The following NKAIN3 variants were observed in gnomAD, a reference collection of about 807,000 sequenced individuals.
NKAIN3 encodes the protein sodium/potassium transporting ATPase interacting 3.
In NKAIN3, 25 loss-of-function variants were observed where a neutral mutation model predicts 30.2. That is an observed-to-expected ratio of 0.83 (90% confidence interval 0.60 to 1.16). The LOEUF is 1.16. Among genes scored for constraint, NKAIN3 ranks in the 50% most tolerant of loss-of-function variants. NKAIN3 has a pLI of 0.00. For missense variants in NKAIN3, 225 were observed against 254.1 expected (o/e 0.89, Z 0.78); for synonymous variants, 91 against 89.6 (o/e 1.02, Z -0.09).
chr8:62,399,143 A>C (rs1379715311), intron 1 of NKAIN3, among the ~76,000 whole-genome samples: 1 of 152,136 alleles, frequency 6.6e-6, no homozygotes, highest in Non-Finnish European at 1.5e-5. Context: ...AAACTACTCA[A>C]CTTTTTTTGT....
At position 62,976,915 on chromosome 8, in the gene NKAIN3, A is replaced by G. The variant is rs544191143; in HGVS notation, c.*11508A>G. On this transcript the variant is annotated 3_prime_UTR_variant, in exon 7 of 7. Coordinates refer to ENST00000623646, the MANE Select transcript of NKAIN3 (RefSeq NM_001304533.3). Reference sequence around the variant, plus strand: ...TTCCTCAGCATTTGCTTGTCTGTAAAGGATTTTATTTCTCCTTCACTTGTG... The same window carrying G: ...TTCCTCAGCATTTGCTTGTCTGTAAGGGATTTTATTTCTCCTTCACTTGTG... Among the ~76,000 whole-genome samples, 6 of 152,282 alleles carry G rather than the reference A, an allele frequency of 3.9e-5. No homozygotes were observed. Among genetic ancestry groups the G allele is most frequent in the African/African-American group, 1.4e-4 (6 of 41,548 alleles).
intron 5 of NKAIN3, among the ~76,000 whole-genome samples, chr8:62,942,443 C>G (rs1822994065): frequency 1.3e-5 from 2 of 150,786 alleles, no homozygotes; most frequent in African/African-American, 4.9e-5. Flanking sequence ...GTGAAATGAC[C>G]ATACTTCCAA....
At chr8:62,611,280 C>T (rs1000556912) in intron 3 of NKAIN3, among the ~76,000 whole-genome samples, 2 of 152,046 alleles carry the variant, frequency 1.3e-5, no homozygotes, top group South Asian at 2.1e-4. Context: ...AATGAGGTAT[C>T]TATCTCCTTA....
chr8:62,883,145 T>C (rs555925546), intron 4 of NKAIN3, among the ~76,000 whole-genome samples: 92 of 152,276 alleles, frequency 6.0e-4, no homozygotes, highest in African/African-American at 2.0e-3. Flanking sequence ...ATAGATTAAG[T>C]TGGGAAAGAC....
chr8:62,555,011 TACACACACACACACACACACAC>T (rs59610407), intron 1 of NKAIN3, among the ~76,000 whole-genome samples: 7 of 144,934 alleles, frequency 4.8e-5, no homozygotes, highest in Non-Finnish European at 7.5e-5. Context: ...GCAGAATCTA[TACACACACACACACACACACAC>T]ACACACACAC....
At chr8:62,580,906 T>TTTTTTATA (rs1554550222) in intron 2 of NKAIN3, among the ~76,000 whole-genome samples, 7 of 112,274 alleles carry the variant, frequency 6.2e-5, no homozygotes, top group African/African-American at 2.0e-4. Context: ...GCTAGGGTTT[T>TTTTTTATA]TATATATATA....
At chr8:62,404,436 C>A (rs186745150) in intron 1 of NKAIN3, among the ~76,000 whole-genome samples, 3 of 152,080 alleles carry the variant, frequency 2.0e-5, no homozygotes, top group Admixed American at 6.6e-5. Context: ...TGGATGGAGC[C>A]GGTAGGAGGT....
intron 4 of NKAIN3, among the ~76,000 whole-genome samples, chr8:62,798,832 C>T (rs114882931): frequency 6.6e-6 from 1 of 151,900 alleles, no homozygotes; most frequent in South Asian, 2.1e-4. Flanking sequence ...AGGAAGAGTA[C>T]CAAAAATGTT....
chr8:62,703,138 AT>A (rs2130472860), intron 3 of NKAIN3, among the ~76,000 whole-genome samples: 1 of 152,258 alleles, frequency 6.6e-6, no homozygotes, highest in Non-Finnish European at 1.5e-5. Flanking sequence ...ATCATTACTA[AT>A]AAATTTAATT....
chr8:62,817,000 A>G (rs1563576823), intron 4 of NKAIN3, among the ~76,000 whole-genome samples: 1 of 152,026 alleles, frequency 6.6e-6, no homozygotes, highest in East Asian at 1.9e-4. Context: ...TCTCCTGATT[A>G]CCTTCTCCTC....
At chr8:62,593,545 C>T (rs1810723579) in intron 3 of NKAIN3, among the ~76,000 whole-genome samples, 1 of 150,982 alleles carries the variant, frequency 6.6e-6, no homozygotes, top group Non-Finnish European at 1.5e-5. Flanking sequence ...TAAGGTTGAT[C>T]CAAAAAAAGA....
chr8:62,636,978 A>G (rs746063476), intron 3 of NKAIN3, among the ~76,000 whole-genome samples: 4 of 152,152 alleles, frequency 2.6e-5, no homozygotes, highest in East Asian at 1.9e-4. Context: ...TTCTTATTTT[A>G]CGTGAAAATT....
rs140324404 is a variant in NKAIN3 at position 62,971,528 on chromosome 8, G to A, written c.*6121G>A. Among the ~76,000 whole-genome samples, 117 of 151,688 alleles carry A rather than the reference G, an allele frequency of 7.7e-4. No homozygotes were observed. Among genetic ancestry groups the A allele is most frequent in the African/African-American group, 2.6e-3 (109 of 41,454 alleles). On this transcript the variant is annotated 3_prime_UTR_variant, in exon 7 of 7. Transcript: ENST00000623646. ...TGTGCCTATAGTCCCAGCTACTTGG[G>A]AGGTTGAAGTAGGAGGGTTGTTTGA...
intron 4 of NKAIN3, among the ~76,000 whole-genome samples, chr8:62,904,931 G>A (rs930989888): frequency 2.6e-5 from 4 of 152,104 alleles, no homozygotes; most frequent in Non-Finnish European, 4.4e-5. Flanking sequence ...TTCTCTCCCT[G>A]ATGGAGCTGG....
At chr8:62,949,646 C>T (rs1481613122) in intron 5 of NKAIN3, among the ~76,000 whole-genome samples, 2 of 152,098 alleles carry the variant, frequency 1.3e-5, no homozygotes, top group Non-Finnish European at 2.9e-5. Context: ...ACCTCAGGTT[C>T]TGAGAATGGG....
intron 5 of NKAIN3, among the ~76,000 whole-genome samples, chr8:62,944,222 G>A (rs1297744725): frequency 6.6e-6 from 1 of 151,828 alleles, no homozygotes; most frequent in Non-Finnish European, 1.5e-5. Context: ...AAATCAAGTA[G>A]ATCTATTTTC....
chr8:62,322,417 G>A (rs753321211), intron 1 of NKAIN3, among the ~76,000 whole-genome samples: 26 of 152,224 alleles, frequency 1.7e-4, no homozygotes, highest in South Asian at 4.1e-4. Flanking sequence ...CTTCTGTGTC[G>A]CTCACACTGG....
chr8:62,539,497 C>T (rs1031962281), intron 1 of NKAIN3, among the ~76,000 whole-genome samples: 3 of 152,322 alleles, frequency 2.0e-5, no homozygotes, highest in East Asian at 3.9e-4. Context: ...GTGTGCAGAT[C>T]TTTAAAAAGA....
At position 62,976,466 on chromosome 8, in the gene NKAIN3, G is replaced by A. The variant is rs1823943047; in HGVS notation, c.*11059G>A. Among the ~76,000 whole-genome samples the A allele has an allele frequency of 6.6e-6, 1 of 151,932 alleles. No homozygotes were observed. Among genetic ancestry groups the A allele is most frequent in the African/African-American group, 2.4e-5 (1 of 41,358 alleles). Reference sequence around the variant, plus strand: ...GCCTTCTGTGTCTGTTTTGATTTTTGTTGGCTTAAAGTCTGTTTTACCAGA... The same window carrying A: ...GCCTTCTGTGTCTGTTTTGATTTTTATTGGCTTAAAGTCTGTTTTACCAGA... On this transcript the variant is annotated 3_prime_UTR_variant, in exon 7 of 7. Coordinates refer to ENST00000623646, the MANE Select transcript of NKAIN3 (RefSeq NM_001304533.3).
Sources: allele counts gnomAD v4.1 joint callset (sites outside exome capture counted in the v4.1 genomes callset), GRCh38; gene constraint gnomAD v4.1.1; transcripts MANE v1.5; gene names NCBI Gene and HGNC (gene_info 2026-07-23, HGNC 2026-07-21).